The following PCGF5 variants were observed in gnomAD, a reference collection of about 807,000 sequenced individuals.
The protein encoded by PCGF5 is polycomb group RING finger protein 5.
Under a neutral mutation model 44.3 loss-of-function variants are expected in PCGF5, and 9 were observed. The observed-to-expected ratio is 0.20, with a 90% CI of 0.12 to 0.35. The LOEUF (loss-of-function observed/expected upper bound fraction) is 0.35, where lower values mean the gene tolerates loss of function less well. PCGF5 is among the 10% of genes least tolerant of loss of function. The probability of loss-of-function intolerance (pLI) is 1.00; values close to 1 mark genes in which losing one functional copy is unlikely to be tolerated. For synonymous variants in PCGF5, 95 were observed against 102.5 expected, an observed-to-expected ratio of 0.93 and a Z score of 0.44; for missense variants, 146 against 305.3, an observed-to-expected ratio of 0.48 and a Z score of 3.89.
intron 1 of PCGF5, among the ~76,000 whole-genome samples, chr10:91,169,385 TCAA>T (rs1000244371): frequency 2.6e-5 from 4 of 152,040 alleles, no homozygotes; most frequent in African/African-American, 9.7e-5. Flanking sequence ...ACTGAAAGAC[TCAA>T]CAACAACAAA....
intron 1 of PCGF5, among the ~76,000 whole-genome samples, chr10:91,201,650 T>G (rs1479669130): frequency 6.6e-6 from 1 of 151,796 alleles, no homozygotes; most frequent in Admixed American, 6.6e-5. Context: ...ACAAAAACAA[T>G]GTCTGCAGAA....
At chr10:91,170,987 A>G (rs998470383) in intron 1 of PCGF5, among the ~76,000 whole-genome samples, 5 of 152,222 alleles carry the variant, frequency 3.3e-5, no homozygotes, top group African/African-American at 1.2e-4. Context: ...AAAGAAGCCA[A>G]TCTGAAAAAG....
intron 1 of PCGF5, among the ~76,000 whole-genome samples, chr10:91,197,789 A>G (rs748468471): frequency 6.6e-5 from 10 of 152,208 alleles, no homozygotes; most frequent in Non-Finnish European, 1.3e-4. Flanking sequence ...AATTTCAATT[A>G]TATTTTACCT....
chr10:91,275,255 A>T (rs985036681), intron 9 of PCGF5, among the ~76,000 whole-genome samples: 8 of 152,082 alleles, frequency 5.3e-5, no homozygotes, highest in African/African-American at 1.9e-4. Flanking sequence ...AAGGAAACAC[A>T]ATGGGCTAAT....
At chr10:91,159,588 T>C (rs1564620759), upstream of PCGF5, among the ~76,000 whole-genome samples, 3 of 152,188 alleles carry the variant, frequency 2.0e-5, no homozygotes. Flanking sequence ...ATGTCATACT[T>C]CCAGCCTCCA....
intron 1 of PCGF5, among the ~76,000 whole-genome samples, chr10:91,194,874 A>T (rs1014517227): frequency 1.3e-5 from 2 of 152,220 alleles, no homozygotes; most frequent in African/African-American, 4.8e-5. Context: ...CCAAAAGTTG[A>T]TGATATAAGG....
intron 5 of PCGF5, among the ~76,000 whole-genome samples, chr10:91,249,849 C>T (rs796671576): frequency 1.4e-4 from 22 of 152,054 alleles, no homozygotes; most frequent in African/African-American, 3.4e-4. Flanking sequence ...GTTTTACCCA[C>T]GTGTACACTG....
At chr10:91,240,407 T>A (rs1325712303) in intron 2 of PCGF5, 77 bp from the exon 3 acceptor site, 1 of 940,316 alleles carries the variant, frequency 1.1e-6, no homozygotes, top group African/African-American at 1.7e-5. Context: ...TTAAGGTCTG[T>A]TTCTAATTAC....
At chr10:91,254,855 A>G (rs1477740355) in intron 6 of PCGF5, among the ~76,000 whole-genome samples, 1 of 152,116 alleles carries the variant, frequency 6.6e-6, no homozygotes, top group Non-Finnish European at 1.5e-5. Context: ...ACAAAGGCTT[A>G]TAGATGCATA....
intron 1 of PCGF5, among the ~76,000 whole-genome samples, chr10:91,165,283 TA>T (rs1285092633): frequency 2.6e-5 from 4 of 152,244 alleles, no homozygotes; most frequent in African/African-American, 9.6e-5. Flanking sequence ...AGTATGTTAC[TA>T]TGTAACTTCT....
At chr10:91,230,855 T>C (rs1461195259) in intron 2 of PCGF5, among the ~76,000 whole-genome samples, 2 of 152,144 alleles carry the variant, frequency 1.3e-5, no homozygotes, top group African/African-American at 4.8e-5. Context: ...ACTCCTGGGC[T>C]CAAGTGATCA....
intron 6 of PCGF5, 76 bp downstream of exon 6, chr10:91,251,516 A>C: frequency 7.5e-7 from 1 of 1,341,140 alleles, no homozygotes; most frequent in Non-Finnish European, 1.0e-6. Flanking sequence ...CAAATTTTCT[A>C]ATGCTTCAAA....
At chr10:91,230,802 G>A (rs903915702) in intron 2 of PCGF5, among the ~76,000 whole-genome samples, 1 of 151,954 alleles carries the variant, frequency 6.6e-6, no homozygotes, top group East Asian at 1.9e-4. Flanking sequence ...TTTGTATTTT[G>A]TGTAGAGACG....
intron 1 of PCGF5, among the ~76,000 whole-genome samples, chr10:91,200,489 A>G (rs1319286880): frequency 2.6e-5 from 4 of 152,262 alleles, no homozygotes; most frequent in African/African-American, 9.6e-5. Context: ...AAGCATTAAT[A>G]TCAACAGGTA....
upstream of PCGF5, among the ~76,000 whole-genome samples, chr10:91,218,950 C>T (rs1844600567): frequency 6.6e-6 from 1 of 152,114 alleles, no homozygotes; most frequent in East Asian, 1.9e-4. Flanking sequence ...TTTAACCAGA[C>T]AAATGTTTGA....
chr10:91,257,177 T>TA (rs1175411119), intron 6 of PCGF5, among the ~76,000 whole-genome samples: 1 of 152,072 alleles, frequency 6.6e-6, no homozygotes, highest in Non-Finnish European at 1.5e-5. Flanking sequence ...AAAGAAGTTA[T>TA]AAAAATGACC....
intron 8 of PCGF5, among the ~76,000 whole-genome samples, chr10:91,267,474 A>G (rs1026359558): frequency 5.3e-5 from 8 of 152,254 alleles, no homozygotes; most frequent in Non-Finnish European, 1.2e-4. Flanking sequence ...GGCAGTGCCC[A>G]GCATATATAC....
chr10:91,258,380 CAA>C (rs892913742), intron 6 of PCGF5, among the ~76,000 whole-genome samples: 1 of 152,010 alleles, frequency 6.6e-6, no homozygotes, highest in African/African-American at 2.4e-5. Flanking sequence ...ATCCCTTATC[CAA>C]AATGGTTGGG....
At chr10:91,196,119 G>T (rs1844129403) in intron 1 of PCGF5, among the ~76,000 whole-genome samples, 1 of 152,002 alleles carries the variant, frequency 6.6e-6, no homozygotes, top group Admixed American at 6.6e-5. Flanking sequence ...ATGGCTCACT[G>T]GTTTCCTACA....
Sources: allele counts gnomAD v4.1 joint callset (sites outside exome capture counted in the v4.1 genomes callset), GRCh38; gene constraint gnomAD v4.1.1; transcripts MANE v1.5; gene names NCBI Gene and HGNC (gene_info 2026-07-23, HGNC 2026-07-21).